DOCK3: variants seen among roughly 807,000 people sequenced by gnomAD.
The protein encoded by DOCK3 is dedicator of cytokinesis 3.
In DOCK3, 60 loss-of-function variants were observed where a neutral mutation model predicts 265.6. That is an observed-to-expected ratio of 0.23 (90% confidence interval 0.18 to 0.28). The LOEUF (loss-of-function observed/expected upper bound fraction) is 0.28, where lower values mean the gene tolerates loss of function less well. Ranked by LOEUF, DOCK3 falls within the 10% of genes least tolerant of loss-of-function variation. DOCK3 has a pLI of 1.00. For synonymous variants in DOCK3, 881 were observed against 938.0 expected (o/e 0.94, Z 1.11); for missense variants, 1,981 against 2,594.3 (o/e 0.76, Z 5.14).
chr3:51,061,426 G>A (rs1273056255), intron 5 of DOCK3, among the ~76,000 whole-genome samples: 1 of 152,108 alleles, frequency 6.6e-6, no homozygotes, highest in Non-Finnish European at 1.5e-5. Context: ...CATGGATGAA[G>A]CTGGAAACCA....
At chr3:51,302,056 G>T (rs566302241) in intron 27 of DOCK3, among the ~76,000 whole-genome samples, 1 of 152,280 alleles carries the variant, frequency 6.6e-6, no homozygotes, top group East Asian at 1.9e-4. Context: ...ATTATTGTGT[G>T]TGGGAGTCTA....
At chr3:50,843,418 T>G (rs2045935092) in intron 3 of DOCK3, among the ~76,000 whole-genome samples, 1 of 152,186 alleles carries the variant, frequency 6.6e-6, no homozygotes, top group Non-Finnish European at 1.5e-5. Flanking sequence ...GGTTTCTCTA[T>G]TTCCATGTGG....
intron 22 of DOCK3, among the ~76,000 whole-genome samples, chr3:51,247,755 A>G (rs895699315): frequency 1.2e-4 from 18 of 152,220 alleles, no homozygotes; most frequent in African/African-American, 4.1e-4. Flanking sequence ...GCTAAGATGC[A>G]ACGATGAATA....
intron 4 of DOCK3, among the ~76,000 whole-genome samples, chr3:50,922,097 G>A (rs1052388408): frequency 1.3e-5 from 2 of 152,210 alleles, no homozygotes; most frequent in South Asian, 2.1e-4. Flanking sequence ...AGACAGGGAC[G>A]TTTAAGTCTG....
At chr3:51,276,450 A>G (rs2108943133) in intron 25 of DOCK3, 2 of 985,356 alleles carry the variant, frequency 2.0e-6, no homozygotes, top group Non-Finnish European at 2.4e-6. Context: ...AACCAGTAAA[A>G]ACTTGGAGGT....
At chr3:50,898,034 A>G (rs1247749459) in intron 4 of DOCK3, among the ~76,000 whole-genome samples, 1 of 112,856 alleles carries the variant, frequency 8.9e-6, no homozygotes, top group Non-Finnish European at 1.8e-5. Context: ...GTTTTTTGGA[A>G]TAGTTTGTAG....
chr3:51,201,898 T>C (rs2088802414), intron 12 of DOCK3, among the ~76,000 whole-genome samples: 1 of 152,178 alleles, frequency 6.6e-6, no homozygotes, highest in East Asian at 1.9e-4. Context: ...ACATGGAGAC[T>C]GAACAACCTG....
chr3:51,350,722 T>C (rs553351017), intron 40 of DOCK3, among the ~76,000 whole-genome samples: 8 of 152,336 alleles, frequency 5.3e-5, no homozygotes, highest in South Asian at 4.1e-4. Flanking sequence ...GGAACCTCCA[T>C]TGTGACTCTT....
chr3:51,079,173 G>A (rs531077278), intron 7 of DOCK3, among the ~76,000 whole-genome samples: 13 of 151,760 alleles, frequency 8.6e-5, no homozygotes, highest in Non-Finnish European at 1.3e-4. Flanking sequence ...TTGATTTTAG[G>A]GAAAAAATCC....
intron 5 of DOCK3, among the ~76,000 whole-genome samples, chr3:50,993,894 C>A (rs1370592205): frequency 6.6e-6 from 1 of 152,180 alleles, no homozygotes; most frequent in Non-Finnish European, 1.5e-5. Flanking sequence ...TCAGGCCCTG[C>A]ATTGTCTGCC....
intron 1 of DOCK3, among the ~76,000 whole-genome samples, chr3:50,755,797 C>T (rs1243422811): frequency 6.6e-6 from 1 of 152,122 alleles, no homozygotes. Context: ...TTTTACTTAG[C>T]ATAGGATTTC....
chr3:51,259,066 C>T (rs1469952891), intron 22 of DOCK3, among the ~76,000 whole-genome samples: 3 of 152,146 alleles, frequency 2.0e-5, no homozygotes, highest in Admixed American at 1.3e-4. Context: ...TCTTTATAGA[C>T]TAGGCATTAA....
At chr3:50,734,602 GTT>G (rs771129941) in intron 1 of DOCK3, among the ~76,000 whole-genome samples, 18 of 107,366 alleles carry the variant, frequency 1.7e-4, no homozygotes, top group African/African-American at 6.3e-4. Flanking sequence ...TTTACAGTGA[GTT>G]TTTTTTTTTT....
Position 51,312,869 on chromosome 3 carries a change from G to A in DOCK3, c.3220G>A (p.Ala1074Thr), listed in dbSNP as rs755869914. ...GTATGGGGACATGCGTGTAATGATGGCCTATGAACTGTTCAGCATGTGGCA... is the reference window on the plus strand; with the variant it reads ...GTATGGGGACATGCGTGTAATGATGACCTATGAACTGTTCAGCATGTGGCA... ...DKYGDMRVMM[A>T]YELFSMWQNL... The change falls in exon 31 of 53, where the codon GCC (alanine) becomes ACC (threonine). Residue 1074 changes from alanine (A) to threonine (T), a missense_variant. Ala to Thr is a moderately conservative substitution (Grantham distance 58). This residue lies in a region of DOCK3 where 1,357 missense variants were observed against 1,866.8 expected (regional missense o/e 0.73). Transcript: ENST00000266037. The A allele has an allele frequency of 6.2e-7, 1 of 1,610,824 alleles. No homozygotes were observed. The highest frequency in any genetic ancestry group is 1.1e-5 in the South Asian group (1 of 90,168).
intron 21 of DOCK3, among the ~76,000 whole-genome samples, chr3:51,238,330 G>C (rs1438905982): frequency 7.3e-5 from 11 of 151,692 alleles, no homozygotes; most frequent in African/African-American, 2.7e-4. Context: ...TTTTAGTAGA[G>C]TCAGGGTTTC....
At chr3:51,379,223 C>T (rs535408999) in intron 51 of DOCK3, among the ~76,000 whole-genome samples, 4 of 152,230 alleles carry the variant, frequency 2.6e-5, no homozygotes, top group Non-Finnish European at 5.9e-5. Context: ...ACTCTTTAGA[C>T]ATAAACTCAC....
intron 12 of DOCK3, among the ~76,000 whole-genome samples, chr3:51,194,494 A>T (rs1560189710): frequency 6.6e-6 from 1 of 152,186 alleles, no homozygotes; most frequent in Non-Finnish European, 1.5e-5. Context: ...TAATGCTGAG[A>T]GTGGAATGTT....
At chr3:51,206,265 CA>C (rs1348177296) in intron 12 of DOCK3, among the ~76,000 whole-genome samples, 1 of 152,138 alleles carries the variant, frequency 6.6e-6, no homozygotes, top group Non-Finnish European at 1.5e-5. Context: ...TTGACCTTGG[CA>C]ATTATTCCAT....
At chr3:51,364,193 A>G (rs2086956174) in intron 49 of DOCK3, among the ~76,000 whole-genome samples, 1 of 152,160 alleles carries the variant, frequency 6.6e-6, no homozygotes, top group Non-Finnish European at 1.5e-5. Flanking sequence ...CTGGTGTGAA[A>G]TGGTATCTCA....
Sources: allele counts gnomAD v4.1 joint callset (sites outside exome capture counted in the v4.1 genomes callset), GRCh38; gene constraint gnomAD v4.1.1; regional missense constraint gnomAD v4.1.1; transcripts MANE v1.5; gene names NCBI Gene and HGNC (gene_info 2026-07-23, HGNC 2026-07-21).